The following PARD3 variants were observed in gnomAD, a reference collection of about 807,000 sequenced individuals.
PARD3 encodes partitioning defective 3 homolog.
PARD3 carries 75 observed loss-of-function variants against 155.4 expected under a neutral mutation model. The observed-to-expected ratio is 0.48, with a 90% CI of 0.40 to 0.58. The LOEUF (loss-of-function observed/expected upper bound fraction) is 0.58. PARD3 is among the 20% of genes least tolerant of loss of function. PARD3 has a pLI of 0.00. For missense variants in PARD3, 1,642 were observed against 1,721.7 expected, an observed-to-expected ratio of 0.95 and a Z score of 0.82; for synonymous variants, 576 against 610.5, an observed-to-expected ratio of 0.94 and a Z score of 0.83.
At chr10:34,578,444 T>C (rs2087092882) in intron 2 of PARD3, among the ~76,000 whole-genome samples, 1 of 152,212 alleles carries the variant, frequency 6.6e-6, no homozygotes, top group East Asian at 1.9e-4. Flanking sequence ...AATAAGAAAG[T>C]ATTCCCATAC....
At chr10:34,124,703 C>T (rs1461951277) in intron 23 of PARD3, among the ~76,000 whole-genome samples, 4 of 152,246 alleles carry the variant, frequency 2.6e-5, no homozygotes, top group African/African-American at 9.6e-5. Context: ...ACCCGTTTCC[C>T]TCATGAAGTT....
chr10:34,491,838 A>C (rs964431840), intron 3 of PARD3, among the ~76,000 whole-genome samples: 1 of 152,230 alleles, frequency 6.6e-6, no homozygotes, highest in African/African-American at 2.4e-5. Flanking sequence ...TCTGTCAGAC[A>C]ACCAGGCAAA....
intron 19 of PARD3, among the ~76,000 whole-genome samples, chr10:34,327,516 C>A (rs1042816256): frequency 6.6e-6 from 1 of 152,274 alleles, no homozygotes; most frequent in South Asian, 2.1e-4. Context: ...AGGGGCTCGA[C>A]CCAACTGACA....
rs1426836402 is a variant in PARD3 at position 34,119,693 on chromosome 10, C to G, written c.3588G>C (p.Val1196=). 6.2e-7 allele frequency: 1 copy of G among 1,613,082 alleles called. No individual in the cohort carries two copies. Among genetic ancestry groups the G allele is most frequent in the Non-Finnish European group, 8.5e-7 (1 of 1,179,702 alleles). ...GCCGCTGCCGCTGCATCTGCACCTC[C>G]ACGGACACCGAGTGTCGCCCGCTCT... ...ATQSGRHSVS[V]EVQMQRQRQE... Residue 1196 remains valine (V), a synonymous_variant, in exon 24 of 25, where the codon GTG becomes GTC. Coordinates refer to ENST00000374788, the MANE Select transcript of PARD3 (RefSeq NM_001184785.2).
At chr10:34,392,506 G>T (rs763001825) in intron 7 of PARD3, among the ~76,000 whole-genome samples, 1 of 152,160 alleles carries the variant, frequency 6.6e-6, no homozygotes, top group Non-Finnish European at 1.5e-5. Flanking sequence ...TGAGTCAGTA[G>T]CAGAAAGCCA....
intron 22 of PARD3, among the ~76,000 whole-genome samples, chr10:34,147,998 G>A (rs956989230): frequency 6.6e-6 from 1 of 152,172 alleles, no homozygotes; most frequent in Non-Finnish European, 1.5e-5. Context: ...TGCCTTGCCT[G>A]TATTTTATAC....
At chr10:34,429,827 C>A (rs1019034767) in intron 5 of PARD3, among the ~76,000 whole-genome samples, 1 of 152,080 alleles carries the variant, frequency 6.6e-6, no homozygotes, top group African/African-American at 2.4e-5. Context: ...CCTTGTGATC[C>A]GCCCGCCTCG....
intron 5 of PARD3, among the ~76,000 whole-genome samples, chr10:34,410,711 G>C (rs1359598889): frequency 6.6e-6 from 1 of 152,154 alleles, no homozygotes; most frequent in African/African-American, 2.4e-5. Context: ...TTGCAAATCT[G>C]CATGTCTTAT....
Position 34,534,123 on chromosome 10 carries a change from G to A in PARD3, c.223-16964C>T, listed in dbSNP as rs575186018. Among the ~76,000 whole-genome samples the A allele has an allele frequency of 2.0e-3, 311 of 151,876 alleles. 1 individual carries two copies. Among genetic ancestry groups the A allele is most frequent in the Non-Finnish European group, 3.2e-3 (214 of 67,930 alleles). On this transcript the variant is annotated intron_variant, in intron 2 of 24. Coordinates refer to ENST00000374788, the MANE Select transcript of PARD3 (RefSeq NM_001184785.2). Reference sequence around the variant, plus strand: ...AAGACCCAGAAGGAAAAAATTAGCCGGGCATGGTGGCGGGCGCCTGTAGTC... The same window carrying A: ...AAGACCCAGAAGGAAAAAATTAGCCAGGCATGGTGGCGGGCGCCTGTAGTC...
chr10:34,724,006 C>T (rs2094654328), intron 1 of PARD3, among the ~76,000 whole-genome samples: 1 of 152,144 alleles, frequency 6.6e-6, no homozygotes. Flanking sequence ...ACTCAACGAG[C>T]ACAAGCTTGG....
intron 16 of PARD3, among the ~76,000 whole-genome samples, chr10:34,339,929 C>T (rs1324343192): frequency 1.3e-5 from 2 of 152,164 alleles, no homozygotes; most frequent in Non-Finnish European, 2.9e-5. Flanking sequence ...ATCCTGACCC[C>T]TAATGTTATT....
intron 2 of PARD3, among the ~76,000 whole-genome samples, chr10:34,531,067 A>T (rs1409827023): frequency 1.3e-5 from 2 of 152,180 alleles, no homozygotes; most frequent in Non-Finnish European, 2.9e-5. Flanking sequence ...GCTGGTGTTT[A>T]TCTTTTCCTT....
chr10:34,338,988 T>A (rs1025631618), intron 16 of PARD3, among the ~76,000 whole-genome samples: 1 of 152,136 alleles, frequency 6.6e-6, no homozygotes. Context: ...CAGATGCCCC[T>A]TCACATACTA....
intron 5 of PARD3, among the ~76,000 whole-genome samples, chr10:34,420,981 A>T (rs1846132706): frequency 6.6e-6 from 1 of 152,174 alleles, no homozygotes; most frequent in Non-Finnish European, 1.5e-5. Flanking sequence ...GTTTGAGACC[A>T]GCCCAGGCAA....
chr10:34,460,555 C>T (rs34208719), intron 4 of PARD3, among the ~76,000 whole-genome samples: 43,653 of 152,006 alleles, frequency 0.29, 6,752 homozygotes, highest in East Asian at 0.43. Flanking sequence ...GGTACAAGGC[C>T]GGGCGCGGGG....
intron 12 of PARD3, among the ~76,000 whole-genome samples, chr10:34,370,845 T>TAA (rs542761029): frequency 0.021 from 3,027 of 147,458 alleles, 48 homozygotes; most frequent in Non-Finnish European, 0.035. Context: ...TGTGTGTGTG[T>TAA]GTAAATGACT....
intron 24 of PARD3, among the ~76,000 whole-genome samples, chr10:34,115,201 C>T (rs147924724): frequency 5.5e-4 from 84 of 152,050 alleles, no homozygotes; most frequent in African/African-American, 1.8e-3. Context: ...GGAGAGAACG[C>T]GGGAGGGTGC....
At chr10:34,175,780 A>G (rs1369690591) in intron 22 of PARD3, among the ~76,000 whole-genome samples, 1 of 152,204 alleles carries the variant, frequency 6.6e-6, no homozygotes, top group Non-Finnish European at 1.5e-5. Context: ...GTTTTATGGG[A>G]TGACTGAGAA....
intron 2 of PARD3, among the ~76,000 whole-genome samples, chr10:34,673,999 AAAC>A (rs1310663609): frequency 2.8e-5 from 4 of 140,642 alleles, no homozygotes; most frequent in African/African-American, 5.7e-5. Context: ...AAAAAAAAAC[AAAC>A]AAACAGGAGG....
Sources: gnomAD v4.1 joint callset for allele counts (sites outside exome capture counted in the v4.1 genomes callset) on GRCh38, gnomAD v4.1.1 for gene constraint, MANE v1.5 for transcripts, NCBI Gene and HGNC (gene_info 2026-07-23, HGNC 2026-07-21) for gene names.